The following HCLS1 variants were observed in gnomAD, a reference collection of about 807,000 sequenced individuals.
HCLS1 encodes the protein hematopoietic lineage cell-specific protein.
HCLS1 carries 44 observed loss-of-function variants against 68.6 expected under a neutral mutation model. The observed-to-expected ratio is 0.64, with a 90% CI of 0.50 to 0.82. The LOEUF (loss-of-function observed/expected upper bound fraction) is 0.82. Among genes scored for constraint, HCLS1 ranks in the 40% least tolerant of loss-of-function variants. The pLI, the probability that HCLS1 is intolerant of heterozygous loss-of-function variation, is 0.00. For synonymous variants in HCLS1, 217 were observed against 225.8 expected, an observed-to-expected ratio of 0.96 and a Z score of 0.35; for missense variants, 602 against 612.1, an observed-to-expected ratio of 0.98 and a Z score of 0.17.
chr3:121,636,551 A>C, intron 7 of HCLS1, 62 bp from the exon 8 acceptor site: 1 of 1,233,648 alleles, frequency 8.1e-7, no homozygotes, highest in African/African-American at 1.5e-5. Context: ...TGGTGAGAAG[A>C]ATCAGTGGGA....
At chr3:121,651,766 C>T (rs1194404481) in intron 3 of HCLS1, among the ~76,000 whole-genome samples, 1 of 152,166 alleles carries the variant, frequency 6.6e-6, no homozygotes, top group Non-Finnish European at 1.5e-5. Flanking sequence ...AAATGTGGAG[C>T]ATCTGAAACC....
Position 121,631,976 on chromosome 3 carries a change from C to A in HCLS1, c.1331G>T (p.Ser444Ile). 1 of 1,614,242 alleles carries A rather than the reference C, an allele frequency of 6.2e-7. No homozygotes were observed. The highest frequency in any genetic ancestry group is 8.5e-7 in the Non-Finnish European group (1 of 1,180,046). The change falls in exon 14 of 14, where the codon AGT (serine) becomes ATT (isoleucine). Residue 444 changes from serine to isoleucine, a missense_variant. Ser to Ile is a moderately radical substitution (Grantham distance 142, BLOSUM62 -2). Coordinates refer to ENST00000314583, the MANE Select transcript of HCLS1 (RefSeq NM_005335.6). ...VAVYDYQGEG[S>I]DELSFDPDDV... Reference sequence around the variant, plus strand: ...GTCCGGATCAAAGGAAAGCTCATCACTTCCCTCTGGGGAGAAAGTTGAGGG... The same window carrying A: ...GTCCGGATCAAAGGAAAGCTCATCAATTCCCTCTGGGGAGAAAGTTGAGGG...
chr3:121,632,541 AGAGCTGGGGGCTCCTCAT>A lies in HCLS1; in HGVS notation c.1013_1030del (p.Asn338_Leu344delinsMet), dbSNP rs2049110691. On this transcript the variant is annotated inframe_deletion, in exon 12 of 14. Transcript: ENST00000314583. ...GAGGCCTTCCAGAGTCCTAGGGGGC[AGAGCTGGGGGCTCCTCAT>A]TGTCCTGAGAAGAGACAGTGTGGAG... is the stretch of plus-strand genomic sequence containing the variant. 1 of 1,613,360 alleles carries A rather than the reference AGAGCTGGGGGCTCCTCAT, an allele frequency of 6.2e-7. No homozygotes were observed. The highest frequency in any genetic ancestry group is 2.2e-5 in the East Asian group (1 of 44,858).
chr3:121,655,415 G>A (rs1247815781), intron 3 of HCLS1: 2 of 135,474 alleles, frequency 1.5e-5, no homozygotes, highest in East Asian at 4.1e-4. Context: ...CTTCAGGGTG[G>A]CTATTTTTTT....
In HCLS1 at chr3:121,632,446, T is replaced by TCTCAGGCGCGGG. The variant is rs1553842734; in HGVS notation, c.1125_1126insCCCGCGCCTGAG (p.Glu375_Asn376insProAlaProGlu). 6.0e-6 allele frequency: 8 copies of TCTCAGGCGCGGG among 1,335,770 alleles called. No individual in the cohort carries two copies. In the Admixed American group the frequency reaches 1.3e-4, roughly 21 times the overall value. The allele number at this position is 1,335,770 out of a possible 1,614,324, so 82.7% of individuals were successfully genotyped here. ...ATCTCCTCAACGTCCTCATAGTCATTCTCAGGCTCGGGCTCAGGCTCGGGC... is the reference window on the plus strand; with the variant it reads ...ATCTCCTCAACGTCCTCATAGTCATTCTCAGGCGCGGGCTCAGGCTCGGGCTCAGGCTCGGGC... On this transcript the variant is annotated inframe_insertion, in exon 12 of 14. Transcript: ENST00000314583.
rs753193137 is a variant in HCLS1 at position 121,644,814 on chromosome 3, T to A, written c.399+4A>T. The A allele has an allele frequency of 6.2e-7, 1 of 1,605,302 alleles. No individual in the cohort carries two copies. The highest frequency in any genetic ancestry group is 1.3e-5 in the African/African-American group (1 of 74,868). On this transcript the variant is annotated splice_donor_region_variant and intron_variant, in intron 5 of 13. Transcript: ENST00000314583. ...GGTGGTTGGGAGAGAGAGTGGTCAC[T>A]TACCTTGTCTGCCCTGTCCCTCTCA...
chr3:121,636,288 T>A, intron 8 of HCLS1, 146 bp downstream of exon 8: 1 of 676,750 alleles, frequency 1.5e-6, no homozygotes, highest in Non-Finnish European at 2.7e-6. Context: ...GGGCAGTCAG[T>A]GGGGACTGCA....
intron 5 of HCLS1, chr3:121,644,127 C>A: frequency 6.5e-6 from 1 of 154,958 alleles, no homozygotes; most frequent in Admixed American, 6.3e-5. Context: ...AAGGAGCTGT[C>A]CTCTCTCTGT....
At chr3:121,632,297 G>A (rs1327952285) in intron 12 of HCLS1, 35 bp downstream of exon 12, 1 of 1,610,048 alleles carries the variant, frequency 6.2e-7, no homozygotes. Context: ...CCCTGGACAT[G>A]AGCAAATTCT....
Position 121,632,534 on chromosome 3 carries a change from A to AGG in HCLS1, c.1036_1037dup (p.Arg347LeufsTer109), listed in dbSNP as rs1256951611. ...CCACCTGGAGGCCTTCCAGAGTCCTAGGGGGCAGAGCTGGGGGCTCCTCAT... is the reference window on the plus strand; with the variant it reads ...CCACCTGGAGGCCTTCCAGAGTCCTAGGGGGGGCAGAGCTGGGGGCTCCTCAT... On this transcript the variant is annotated frameshift_variant, in exon 12 of 14. Transcript: ENST00000314583. LOFTEE classifies it high-confidence loss of function. 6.2e-7 allele frequency: 1 copy of AGG among 1,612,946 alleles called. No individual in the cohort carries two copies. Among genetic ancestry groups the AGG allele is most frequent in the African/African-American group, 1.3e-5 (1 of 74,496 alleles).
intron 5 of HCLS1, 43 bp downstream of exon 5, chr3:121,644,775 C>CAA (rs764122793): frequency 7.2e-7 from 1 of 1,385,664 alleles, no homozygotes; most frequent in South Asian, 1.2e-5. Context: ...GCAATTTTCA[C>CAA]AGGACTGGAG....
chr3:121,635,274 T>TCTCTCTCTCTCC (rs2049140298), intron 9 of HCLS1, among the ~76,000 whole-genome samples: 1 of 112,976 alleles, frequency 8.9e-6, no homozygotes, highest in South Asian at 3.3e-4. Flanking sequence ...TCTCTCTCTC[T>TCTCTCTCTCTCC]CCTCTCTCTC....
Position 121,631,600 on chromosome 3 carries a change from G to A in HCLS1, c.*246C>T, listed in dbSNP as rs77060751. On this transcript the variant is annotated 3_prime_UTR_variant, in exon 14 of 14. Transcript: ENST00000314583. ...GCAGAGCTTGGGGTGGCAGAGAGGT[G>A]TTCATTGGGAAGGAGTCAGGAACAC... is the stretch of plus-strand genomic sequence containing the variant. The A allele has an allele frequency of 5.0e-3, 2,354 of 474,436 alleles. 42 individuals are homozygous for A. The highest frequency in any genetic ancestry group is 0.04 in the African/African-American group (2,073 of 51,360). 29.4% of individuals were successfully genotyped at this position (474,436 alleles called of 1,614,324 possible).
chr3:121,645,278 G>A (rs368538744), intron 4 of HCLS1, among the ~76,000 whole-genome samples: 9 of 152,166 alleles, frequency 5.9e-5, no homozygotes, highest in Admixed American at 1.3e-4. Flanking sequence ...GTAGTGTGGG[G>A]TAGTGTGGAG....
At chr3:121,633,417 T>C (rs941747578) in intron 10 of HCLS1, among the ~76,000 whole-genome samples, 1 of 152,226 alleles carries the variant, frequency 6.6e-6, no homozygotes, top group East Asian at 1.9e-4. Context: ...GGTTTCACTA[T>C]GTTGGTCAGG....
intron 12 of HCLS1, 65 bp from the exon 13 acceptor site, chr3:121,632,249 A>G: frequency 6.2e-7 from 1 of 1,602,374 alleles, no homozygotes. Context: ...GAAAGATCCT[A>G]CTGGGGCAAT....
chr3:121,636,118 T>A (rs1384016606), intron 8 of HCLS1, among the ~76,000 whole-genome samples: 2 of 152,100 alleles, frequency 1.3e-5, no homozygotes, highest in Non-Finnish European at 2.9e-5. Flanking sequence ...GACAGTGGCA[T>A]GGGGTGGGAA....
chr3:121,657,911 A>T (rs1937907630), intron 2 of HCLS1: 1 of 245,798 alleles, frequency 4.1e-6, no homozygotes, highest in African/African-American at 2.3e-5. Context: ...TGCCTACCCC[A>T]TCTGGTCTCC....
At position 121,658,093 on chromosome 3, in the gene HCLS1, G is replaced by A. The variant is rs540948166; in HGVS notation, c.84+171C>T. 47 of 603,076 alleles carry A rather than the reference G, an allele frequency of 7.8e-5. No individual in the cohort carries two copies. The East Asian group carries it at 9.4e-4, about 12-fold the overall frequency. The allele number at this position is 603,076 out of a possible 1,614,324, so 37.4% of individuals were successfully genotyped here. On this transcript the variant is annotated intron_variant, in intron 2 of 13. Coordinates refer to ENST00000314583, the MANE Select transcript of HCLS1 (RefSeq NM_005335.6). ...CTTTTCATCCCTGATACCAGGTATC[G>A]TGCATGCCCCACAGGTGACAGCCAA... is the stretch of plus-strand genomic sequence containing the variant.
Sources: allele counts gnomAD v4.1 joint callset (sites outside exome capture counted in the v4.1 genomes callset), GRCh38; gene constraint gnomAD v4.1.1; transcripts MANE v1.5; gene names NCBI Gene and HGNC (gene_info 2026-07-23, HGNC 2026-07-21).